COP1: variants seen among roughly 807,000 people sequenced by gnomAD.
COP1 encodes E3 ubiquitin-protein ligase COP1.
COP1 carries 24 observed loss-of-function variants against 101.3 expected under a neutral mutation model. The observed-to-expected ratio is 0.24, with a 90% CI of 0.17 to 0.33. COP1 has a LOEUF of 0.33. Ranked by LOEUF, COP1 falls within the 10% of genes least tolerant of loss-of-function variation. COP1 has a pLI of 1.00. For synonymous variants in COP1, 347 were observed against 341.9 expected (o/e 1.01, Z -0.17); for missense variants, 663 against 906.2 (o/e 0.73, Z 3.45).
At position 176,081,077 on chromosome 1, in the gene COP1, G is replaced by C. The variant is rs935095813; in HGVS notation, c.1277+75C>G. 40 of 1,277,628 alleles carry C rather than the reference G, an allele frequency of 3.1e-5. No homozygotes were observed. The African/African-American group carries it at 4.7e-4, about 15-fold the overall frequency. 79.1% of individuals were successfully genotyped at this position (1,277,628 alleles called of 1,614,324 possible). On this transcript the variant is annotated intron_variant, in intron 11 of 19. Transcript: ENST00000367669. ...AGAACCCACGCTTTTAATAATAATG[G>C]TATAAGTGCTTCTCAAATTCAATTA...
rs140730163 is a variant in COP1, at chr1:176,018,137, T to C, written c.1729+9435A>G. On this transcript the variant is annotated intron_variant, in intron 15 of 19. Coordinates refer to ENST00000367669, the MANE Select transcript of COP1 (RefSeq NM_022457.7). Reference sequence around the variant, plus strand: ...GAATAAAACCTTAAAGATGCACTAATGTTAGCTATTATTATTTACCCTTTA... The same window carrying C: ...GAATAAAACCTTAAAGATGCACTAACGTTAGCTATTATTATTTACCCTTTA... Among the ~76,000 whole-genome samples, 400 of 152,290 alleles carry C rather than the reference T, an allele frequency of 2.6e-3. 3 individuals carry two copies. The highest frequency in any genetic ancestry group is 9.2e-3 in the African/African-American group (382 of 41,564).
At chr1:176,053,954 G>A (rs887859858) in intron 11 of COP1, among the ~76,000 whole-genome samples, 3 of 151,992 alleles carry the variant, frequency 2.0e-5, no homozygotes, top group South Asian at 2.1e-4. Context: ...CTTGAATATG[G>A]TTAGAGAAAA....
At chr1:176,122,487 G>T (rs1373635240) in intron 8 of COP1, among the ~76,000 whole-genome samples, 1 of 152,118 alleles carries the variant, frequency 6.6e-6, no homozygotes, top group Non-Finnish European at 1.5e-5. Context: ...AGGAATGCAA[G>T]GTTAGTTCAA....
chr1:176,179,752 T>A (rs904613320), intron 2 of COP1, among the ~76,000 whole-genome samples: 15 of 151,846 alleles, frequency 9.9e-5, no homozygotes, highest in Non-Finnish European at 1.9e-4. Context: ...AGAAAAAAAA[T>A]TTTTTGTCAA....
At chr1:176,060,300 GTC>G (rs1336036819) in intron 11 of COP1, among the ~76,000 whole-genome samples, 1 of 151,986 alleles carries the variant, frequency 6.6e-6, no homozygotes, top group African/African-American at 2.4e-5. Context: ...GTGATAAAAT[GTC>G]TTTCTCCTTA....
intron 15 of COP1, among the ~76,000 whole-genome samples, chr1:175,995,116 G>C (rs535808312): frequency 6.6e-6 from 1 of 152,272 alleles, no homozygotes; most frequent in South Asian, 2.1e-4. Context: ...CAACTACATG[G>C]AAAGTGAACA....
intron 18 of COP1, among the ~76,000 whole-genome samples, chr1:175,960,019 T>C (rs1651142921): frequency 6.6e-6 from 1 of 152,164 alleles, no homozygotes; most frequent in South Asian, 2.1e-4. Flanking sequence ...CAAGCCAAAT[T>C]TGATATTCAA....
At chr1:175,948,537 A>G (rs1164147199) in intron 18 of COP1, among the ~76,000 whole-genome samples, 2 of 152,262 alleles carry the variant, frequency 1.3e-5, no homozygotes, top group East Asian at 3.8e-4. Context: ...ATGTTAGAAA[A>G]GTTACTTCAG....
intron 12 of COP1, among the ~76,000 whole-genome samples, chr1:176,045,813 A>T (rs989079379): frequency 1.3e-5 from 2 of 152,020 alleles, no homozygotes; most frequent in African/African-American, 2.4e-5. Flanking sequence ...TAATATGTTG[A>T]GATATGTGCA....
rs1212803591 is a variant in COP1, at chr1:176,173,986, C to CAAAAAAAAAAAAAAAAA, written c.565+1907_565+1923dup. Among the ~76,000 whole-genome samples, 14 of 49,074 alleles carry CAAAAAAAAAAAAAAAAA rather than the reference C, an allele frequency of 2.9e-4. 1 individual carries two copies. The highest frequency in any genetic ancestry group is 8.6e-4 in the South Asian group (1 of 1,168). 32.2% of individuals were successfully genotyped at this position (49,074 alleles called of 152,430 possible). On this transcript the variant is annotated intron_variant, in intron 3 of 19. Coordinates refer to ENST00000367669, the MANE Select transcript of COP1 (RefSeq NM_022457.7). ...TGGGCAACAGAGTGAGATGCTGTCT[C>CAAAAAAAAAAAAAAAAA]AAAAAAAAAAAAAAAAAAAAAAGAG...
chr1:176,090,601 CA>C (rs1455377777), intron 9 of COP1, among the ~76,000 whole-genome samples: 1 of 152,006 alleles, frequency 6.6e-6, no homozygotes, highest in African/African-American at 2.4e-5. Flanking sequence ...AATACCTACA[CA>C]AAAGTAATTG....
intron 19 of COP1, among the ~76,000 whole-genome samples, chr1:175,945,917 G>C (rs1414148929): frequency 6.6e-6 from 1 of 152,124 alleles, no homozygotes; most frequent in Non-Finnish European, 1.5e-5. Context: ...TAGGTAACTA[G>C]GCTACTTAAC....
intron 11 of COP1, among the ~76,000 whole-genome samples, chr1:176,067,088 ATAT>A (rs1407027593): frequency 6.6e-6 from 1 of 152,240 alleles, no homozygotes; most frequent in Non-Finnish European, 1.5e-5. Flanking sequence ...AAAAAGTATG[ATAT>A]TATAATGGTA....
At chr1:175,988,193 C>T (rs1218409344) in intron 17 of COP1, 95 bp downstream of exon 17, 1 of 1,199,550 alleles carries the variant, frequency 8.3e-7, no homozygotes, top group African/African-American at 1.5e-5. Context: ...GTGCACAGAC[C>T]ATTTCTTGAC....
intron 6 of COP1, among the ~76,000 whole-genome samples, chr1:176,145,789 T>A (rs886244749): frequency 1.3e-5 from 2 of 152,112 alleles, no homozygotes; most frequent in African/African-American, 4.8e-5. Flanking sequence ...GAGAGACCTA[T>A]GGATACTCAG....
At chr1:176,005,388 T>C (rs1011645103) in intron 15 of COP1, among the ~76,000 whole-genome samples, 1 of 152,220 alleles carries the variant, frequency 6.6e-6, no homozygotes, top group Non-Finnish European at 1.5e-5. Flanking sequence ...TTTTGCCTTC[T>C]GCTAGCTTTT....
At chr1:175,953,647 C>T (rs192042186) in intron 18 of COP1, among the ~76,000 whole-genome samples, 57 of 151,432 alleles carry the variant, frequency 3.8e-4, no homozygotes, top group Admixed American at 5.9e-4. Flanking sequence ...AGATACACCA[C>T]GCAAACATTA....
At chr1:176,168,086 C>A (rs1695416006) in intron 3 of COP1, among the ~76,000 whole-genome samples, 1 of 150,882 alleles carries the variant, frequency 6.6e-6, no homozygotes, top group African/African-American at 2.4e-5. Flanking sequence ...GAAACAGAGT[C>A]TCGCCCTGTC....
chr1:176,206,930 C>T lies in COP1; in HGVS notation c.49G>A (p.Gly17Arg). Reference protein sequence around the residue: ...AGSGSAGTSPGSSAASSVTSA... With the variant: ...AGSGSAGTSPRSSAASSVTSA... ...GTCACCGAGGAGGCCGCCGAGGACC[C>T]GGGGCTTGTCCCAGCGGAGCCCGAC... The change falls in exon 1 of 20, where the codon GGG becomes AGG. Residue 17 changes from glycine to arginine, a missense_variant. Transcript: ENST00000367669. 6.8e-7 allele frequency: 1 copy of T among 1,460,376 alleles called. No individual in the cohort carries two copies. Among genetic ancestry groups the T allele is most frequent in the African/African-American group, 1.5e-5 (1 of 68,306 alleles). 90.5% of individuals were successfully genotyped at this position (1,460,376 alleles called of 1,614,324 possible). A position where few individuals can be genotyped will look rare whatever the true frequency, so the allele number is the denominator to read the frequency against.
Sources: allele counts gnomAD v4.1 joint callset (sites outside exome capture counted in the v4.1 genomes callset), GRCh38; gene constraint gnomAD v4.1.1; transcripts MANE v1.5; gene names NCBI Gene and HGNC (gene_info 2026-07-23, HGNC 2026-07-21).